Variants in NSD3 observed in about 807,000 individuals in gnomAD.
NSD3 encodes histone-lysine N-methyltransferase NSD3.
In NSD3, 24 loss-of-function variants were observed where a neutral mutation model predicts 160.8. The ratio of observed to expected loss-of-function variants is 0.15; its 90% CI spans 0.11 to 0.21. The LOEUF (loss-of-function observed/expected upper bound fraction) is 0.21. NSD3 is among the 10% of genes least tolerant of loss of function. NSD3 has a pLI of 1.00. For missense variants in NSD3, 1,157 were observed against 1,735.9 expected (o/e 0.67, Z 5.93); for synonymous variants, 520 against 600.0 (o/e 0.87, Z 1.95).
At position 38,348,805 on chromosome 8, in the gene NSD3, C is replaced by A. The variant is rs556840666; in HGVS notation, c.-44-590G>T. Among the ~76,000 whole-genome samples, 3 of 152,174 alleles carry A rather than the reference C, an allele frequency of 2.0e-5. No homozygotes were observed. The South Asian group carries it at 6.2e-4, about 32-fold the overall frequency. On this transcript the variant is annotated intron_variant, in intron 1 of 23. Transcript: ENST00000317025. Reference sequence around the variant, plus strand: ...GCCTCCCCAGTAGCTGGGACTCAGGCATGCACCACCACGCCCAGCTAATTT... The same window carrying A: ...GCCTCCCCAGTAGCTGGGACTCAGGAATGCACCACCACGCCCAGCTAATTT...
chr8:38,305,329 A>C lies in NSD3; in HGVS notation c.2359T>G (p.Phe787Val), dbSNP rs541693102. Reference sequence around the variant, plus strand: ...GGACAGCGGAATCCTTTTGATTCAAAGATGGCAGTGGGGAATTTGCGGACA... The same window carrying C: ...GGACAGCGGAATCCTTTTGATTCAACGATGGCAGTGGGGAATTTGCGGACA... The part of the protein sequence containing the change: ...ACVRKFPTAI[F>V]ESKGFRCPQH... Residue 787 changes from phenylalanine to valine, a missense_variant, in exon 13 of 24, where the codon TTT becomes GTT. Physicochemically the swap from Phe to Val is conservative, Grantham distance 50. Around this residue, in one of 10 missense-constraint regions of NSD3, gnomAD observed 437 missense variants for 576.6 expected, o/e 0.76. Coordinates refer to ENST00000317025, the MANE Select transcript of NSD3 (RefSeq NM_023034.2). 2 of 1,614,232 alleles carry C rather than the reference A, an allele frequency of 1.2e-6. No individual in the cohort carries two copies.
chr8:38,288,836 A>G lies in NSD3; in HGVS notation c.3232-80T>C, dbSNP rs1280208731. 1 of 1,542,116 alleles carries G rather than the reference A, an allele frequency of 6.5e-7. No homozygotes were observed. The highest frequency in any genetic ancestry group is 1.4e-5 in the African/African-American group (1 of 73,634). ...GTGAACAGGAACATCTAAAACATCC[A>G]CGCTACTGCCTCGTGGTGCTACTCC... On this transcript the variant is annotated intron_variant, in intron 18 of 23. Transcript: ENST00000317025. This position sits in a 1 kb window ranked among gnomAD's most constrained non-coding sequence, Gnocchi z 4.5.
chr8:38,314,856 G>A (rs959132958), intron 11 of NSD3, 83 bp from the exon 12 acceptor site: 16 of 1,450,970 alleles, frequency 1.1e-5, no homozygotes, highest in South Asian at 2.5e-5. Flanking sequence ...ACAAATTACC[G>A]GGTCCCTCAC....
In NSD3 at chr8:38,314,422, T is replaced by C. The variant is rs901753014; in HGVS notation, c.2242+225A>G. On this transcript the variant is annotated intron_variant, in intron 12 of 23. Coordinates refer to ENST00000317025, the MANE Select transcript of NSD3 (RefSeq NM_023034.2). The stretch of plus-strand genomic sequence containing the variant: ...ACTCTTTAGATAAAACACAAATTCA[T>C]CTTGGTAATTTGACAGGTTTTATGG... 9.9e-5 allele frequency among the ~76,000 whole-genome samples: 15 copies of C among 152,180 alleles called. No individual in the cohort carries two copies. The highest frequency in any genetic ancestry group is 3.6e-4 in the African/African-American group (15 of 41,436).
intron 2 of NSD3, among the ~76,000 whole-genome samples, chr8:38,340,367 C>G (rs1235887073): frequency 6.6e-6 from 1 of 152,162 alleles, no homozygotes; most frequent in East Asian, 1.9e-4. Flanking sequence ...CAGAGTCTTA[C>G]TCTGCTGTTG....
chr8:38,317,004 T>A lies in NSD3; in HGVS notation c.1856-962A>T. ...TTCAACCCACAGTTTGTGTTTTGGATTTTTTCCCCCAAAATTTCCATACAA... is the reference window on the plus strand; with the variant it reads ...TTCAACCCACAGTTTGTGTTTTGGAATTTTTCCCCCAAAATTTCCATACAA... On this transcript the variant is annotated intron_variant, in intron 9 of 23. Transcript: ENST00000317025. This position sits in a 1 kb window ranked among gnomAD's most constrained non-coding sequence, Gnocchi z 5.3. 1 of 1,059,324 alleles carries A rather than the reference T, an allele frequency of 9.4e-7. No individual in the cohort carries two copies. Among genetic ancestry groups the A allele is most frequent in the Non-Finnish European group, 1.1e-6 (1 of 875,612 alleles). 65.6% of individuals were successfully genotyped at this position (1,059,324 alleles called of 1,614,324 possible).
rs1316568069 is a variant in NSD3, at chr8:38,270,013, T to C, written c.*5628A>G. 1 of 152,202 alleles carries C rather than the reference T, an allele frequency of 6.6e-6. No homozygotes were observed. The highest frequency in any genetic ancestry group is 1.5e-5 in the Non-Finnish European group (1 of 68,036). 9.4% of individuals were successfully genotyped at this position (152,202 alleles called of 1,614,324 possible). ...GCTTTACACGTTTCACACTATGCAA[T>C]AAAACATAGGCCAATCAACAAAATC... On this transcript the variant is annotated 3_prime_UTR_variant, in exon 24 of 24. Coordinates refer to ENST00000317025, the MANE Select transcript of NSD3 (RefSeq NM_023034.2).
intron 6 of NSD3, among the ~76,000 whole-genome samples, chr8:38,327,399 G>A (rs1037569029): frequency 3.3e-5 from 5 of 151,314 alleles, no homozygotes; most frequent in African/African-American, 1.2e-4. Flanking sequence ...CTGTCACCTG[G>A]GCTGCAGTGC....
chr8:38,276,568 C>T (rs1808606559), intron 22 of NSD3, 68 bp from the exon 23 acceptor site: 5 of 1,541,590 alleles, frequency 3.2e-6, no homozygotes, highest in Admixed American at 3.6e-5. Context: ...CACAGGAAAA[C>T]CCTGCAACCT....
At chr8:38,278,490 G>A (rs1808664723) in intron 21 of NSD3, 78 bp from the exon 22 acceptor site, 4 of 1,190,544 alleles carry the variant, frequency 3.4e-6, no homozygotes, top group East Asian at 2.7e-5. Context: ...CTCCCCTAAT[G>A]AAAAAAAGAG....
In NSD3 at chr8:38,354,701, G is replaced by T. The variant is rs557187201; in HGVS notation, c.-44-6486C>A. ...TAATATTCTTTTAACTTTTCTAAAG[G>T]TTTGAAAATTTTTAAACTGAAAAGT... On this transcript the variant is annotated intron_variant, in intron 1 of 23. Transcript: ENST00000317025. Among the ~76,000 whole-genome samples the T allele has an allele frequency of 4.0e-5, 6 of 151,778 alleles. No individual in the cohort carries two copies. In the South Asian group the frequency reaches 1.3e-3, roughly 32 times the overall value.
rs1811012530 is a variant in NSD3, at chr8:38,362,819, G to T, written c.-44-14604C>A. Among the ~76,000 whole-genome samples, 3 of 152,172 alleles carry T rather than the reference G, an allele frequency of 2.0e-5. 1 individual carries two copies. The highest frequency in any genetic ancestry group is 3.9e-4 in the East Asian group (2 of 5,194). The stretch of plus-strand genomic sequence containing the variant: ...TACATTCACTATGAACAGCGTAAGA[G>T]AAACTGTCACAACATCATCACTGTA... On this transcript the variant is annotated intron_variant, in intron 1 of 23. Transcript: ENST00000317025.
intron 16 of NSD3, among the ~76,000 whole-genome samples, chr8:38,292,396 C>T (rs182926793): frequency 1.3e-5 from 2 of 152,334 alleles, no homozygotes; most frequent in African/African-American, 4.8e-5. Context: ...CCTGTAATCC[C>T]AGCACTTGGG....
At chr8:38,338,478 CTG>C in intron 3 of NSD3, 56 bp downstream of exon 3, 2 of 1,369,364 alleles carry the variant, frequency 1.5e-6, no homozygotes, top group Non-Finnish European at 1.0e-6. Context: ...AATTCAATCA[CTG>C]TGTTTCACCT....
rs1354399897 is a variant in NSD3 at position 38,304,735 on chromosome 8, T to C, written c.2463A>G (p.Arg821=). 1 of 1,611,028 alleles carries C rather than the reference T, an allele frequency of 6.2e-7. No homozygotes were observed. The highest frequency in any genetic ancestry group is 1.1e-5 in the South Asian group (1 of 90,398). ...ASKGRMMRCL[R]CPVAYHSGDA... ...CTCCAGAGTGATAGGCAACTGGACA[T>C]CTTAAACATCTCATCATGCGGCCTG... Residue 821 remains arginine, a synonymous_variant, in exon 14 of 24, where the codon AGA becomes AGG. Transcript: ENST00000317025.
At chr8:38,293,650 C>CAG (rs1809062084) in intron 16 of NSD3, among the ~76,000 whole-genome samples, 1 of 151,828 alleles carries the variant, frequency 6.6e-6, no homozygotes, top group African/African-American at 2.4e-5. Flanking sequence ...GAGCCGGGCA[C>CAG]AGTGGCTCAC....
intron 12 of NSD3, among the ~76,000 whole-genome samples, chr8:38,305,898 A>T (rs1414687276): frequency 6.6e-6 from 1 of 152,206 alleles, no homozygotes; most frequent in African/African-American, 2.4e-5. Flanking sequence ...TTCGAACTAT[A>T]GAAAATCAAG....
chr8:38,380,085 A>C (rs961687322), intron 1 of NSD3, among the ~76,000 whole-genome samples: 1 of 152,220 alleles, frequency 6.6e-6, no homozygotes, highest in Non-Finnish European at 1.5e-5. Context: ...TAAGAACTGC[A>C]TGCCTACTTC....
chr8:38,282,887 T>C (rs1808765522), intron 19 of NSD3, among the ~76,000 whole-genome samples: 1 of 152,228 alleles, frequency 6.6e-6, no homozygotes, highest in African/African-American at 2.4e-5. Flanking sequence ...ATTTGGATTG[T>C]TTCCAGATTT....
Sources: gnomAD v4.1 joint callset for allele counts (sites outside exome capture counted in the v4.1 genomes callset) on GRCh38, gnomAD v4.1.1 for gene constraint, gnomAD v4.1.1 regional missense constraint, Gnocchi (gnomAD v3.1) non-coding constraint, MANE v1.5 for transcripts, NCBI Gene and HGNC (gene_info 2026-07-23, HGNC 2026-07-21) for gene names.